The following SUPT3H variants were observed in gnomAD, a reference collection of about 807,000 sequenced individuals.
SUPT3H encodes the protein SPT3 homolog, SAGA and STAGA complex component.
A neutral mutation model predicts 44.3 loss-of-function variants in SUPT3H; 44 were observed. The observed-to-expected ratio is 0.99, with a 90% CI of 0.78 to 1.28. The LOEUF is 1.28. Ranked by LOEUF, SUPT3H falls within the 50% of genes most tolerant of loss-of-function variation. SUPT3H has a pLI of 0.00. For synonymous variants in SUPT3H, 124 were observed against 125.6 expected (o/e 0.99, Z 0.09); for missense variants, 380 against 387.1 (o/e 0.98, Z 0.15).
intron 6 of SUPT3H, among the ~76,000 whole-genome samples, chr6:44,989,968 T>C (rs1280013144): frequency 6.6e-6 from 1 of 152,104 alleles, no homozygotes; most frequent in Non-Finnish European, 1.5e-5. Context: ...ATTGTTGACT[T>C]TTTCCTTTGC....
intron 2 of SUPT3H, among the ~76,000 whole-genome samples, chr6:45,168,468 C>A (rs543746547): frequency 6.6e-6 from 1 of 151,990 alleles, no homozygotes; most frequent in Non-Finnish European, 1.5e-5. Flanking sequence ...AGCTGTATCC[C>A]GACCACCTTG....
At chr6:44,810,285 G>C (rs888674041) in intron 11 of SUPT3H, among the ~76,000 whole-genome samples, 5 of 152,194 alleles carry the variant, frequency 3.3e-5, no homozygotes, top group African/African-American at 9.7e-5. Flanking sequence ...GGGCAAAGGC[G>C]ATATGGACTG....
chr6:44,902,238 A>G (rs1562004746), intron 10 of SUPT3H, among the ~76,000 whole-genome samples: 1 of 152,192 alleles, frequency 6.6e-6, no homozygotes, highest in Non-Finnish European at 1.5e-5. Flanking sequence ...CAAATTGGAT[A>G]AAGAGTCATG....
At chr6:45,281,842 A>AACT (rs1309591030) in intron 2 of SUPT3H, among the ~76,000 whole-genome samples, 35 of 152,304 alleles carry the variant, frequency 2.3e-4, no homozygotes, top group Admixed American at 5.9e-4. Context: ...ACCCCCCAGT[A>AACT]GGGGCAGACT....
intron 10 of SUPT3H, among the ~76,000 whole-genome samples, chr6:44,912,834 T>C (rs1188530065): frequency 1.3e-5 from 2 of 152,214 alleles, no homozygotes; most frequent in East Asian, 1.9e-4. Context: ...GCTCTGAATG[T>C]GGCAGTTACT....
At chr6:44,845,724 T>C (rs553408003) in intron 10 of SUPT3H, among the ~76,000 whole-genome samples, 31 of 152,290 alleles carry the variant, frequency 2.0e-4, no homozygotes, top group Non-Finnish European at 4.0e-4. Context: ...CAAGAGGACG[T>C]TGAGGGGAGC....
chr6:45,352,882 G>A lies in SUPT3H; in HGVS notation c.101+12319C>T, dbSNP rs1039853634. 2.0e-5 allele frequency among the ~76,000 whole-genome samples: 3 copies of A among 151,880 alleles called. No homozygotes were observed. In the East Asian group the frequency reaches 5.8e-4, roughly 29 times the overall value. On this transcript the variant is annotated intron_variant, in intron 2 of 10. Transcript: ENST00000371459. ...ATATATCTATAAAAAAATTAAACTG[G>A]TCATTTATTTCCAGCTATGACTACC...
At chr6:45,303,879 G>C (rs553968641) in intron 2 of SUPT3H, among the ~76,000 whole-genome samples, 1 of 151,660 alleles carries the variant, frequency 6.6e-6, no homozygotes, top group African/African-American at 2.4e-5. Flanking sequence ...TGTAGTCCCA[G>C]CTACTCGGGA....
At chr6:44,909,219 G>A (rs1371071050) in intron 10 of SUPT3H, among the ~76,000 whole-genome samples, 4 of 150,544 alleles carry the variant, frequency 2.7e-5, no homozygotes, top group African/African-American at 9.8e-5. Flanking sequence ...TGCTAAACTT[G>A]CTATCCATAT....
At position 45,153,688 on chromosome 6, in the gene SUPT3H, T is replaced by A. The variant is rs559834466; in HGVS notation, c.102-47682A>T. Among the ~76,000 whole-genome samples the A allele has an allele frequency of 8.5e-5, 13 of 152,222 alleles. 1 individual carries two copies. In the South Asian group the frequency reaches 2.3e-3, roughly 27 times the overall value. ...GAGTTCGAGACCAGCCTGGCCAACA[T>A]GGTGAAACCCTGCCTCTACCAAAAA... On this transcript the variant is annotated intron_variant, in intron 2 of 10. Transcript: ENST00000371459.
chr6:45,177,181 G>C (rs1812106742), intron 2 of SUPT3H, among the ~76,000 whole-genome samples: 1 of 152,274 alleles, frequency 6.6e-6, no homozygotes, highest in South Asian at 2.1e-4. Context: ...AAAAAATTTA[G>C]AAGAATGTAT....
At chr6:45,285,965 T>C (rs1779169445) in intron 2 of SUPT3H, among the ~76,000 whole-genome samples, 1 of 140,986 alleles carries the variant, frequency 7.1e-6, no homozygotes, top group African/African-American at 2.8e-5. Flanking sequence ...ATCTGATCTT[T>C]GACAAACGTG....
intron 10 of SUPT3H, among the ~76,000 whole-genome samples, chr6:44,841,592 ATGAC>A (rs1387687754): frequency 2.6e-5 from 4 of 152,374 alleles, no homozygotes; most frequent in East Asian, 3.9e-4. Context: ...CTAATATGTA[ATGAC>A]TGACAGCCTT....
chr6:45,344,623 T>C (rs1790477694), intron 2 of SUPT3H, among the ~76,000 whole-genome samples: 1 of 152,128 alleles, frequency 6.6e-6, no homozygotes, highest in African/African-American at 2.4e-5. Context: ...CTACCACAAA[T>C]TTAAAACCCA....
At chr6:45,244,624 A>C (rs1771016003) in intron 2 of SUPT3H, among the ~76,000 whole-genome samples, 1 of 152,126 alleles carries the variant, frequency 6.6e-6, no homozygotes, top group Non-Finnish European at 1.5e-5. Flanking sequence ...TTTCTTGCCT[A>C]TCATCTCTAC....
intron 2 of SUPT3H, among the ~76,000 whole-genome samples, chr6:45,315,971 A>AGATAGATG (rs1452906471): frequency 3.4e-5 from 5 of 146,054 alleles, no homozygotes; most frequent in African/African-American, 1.3e-4. Context: ...ATAGATAGAT[A>AGATAGATG]GATGATGGAA....
chr6:44,813,914 G>T (rs1412778116), intron 11 of SUPT3H, among the ~76,000 whole-genome samples: 1 of 151,870 alleles, frequency 6.6e-6, no homozygotes, highest in East Asian at 1.9e-4. Context: ...AAGACATAAA[G>T]AAATATTTGA....
intron 10 of SUPT3H, among the ~76,000 whole-genome samples, chr6:44,930,873 AATTAGC>A (rs1770478132): frequency 6.6e-6 from 1 of 152,222 alleles, no homozygotes; most frequent in African/African-American, 2.4e-5. Flanking sequence ...ATTAGATCCA[AATTAGC>A]TTAGGCAATA....
chr6:44,848,358 G>A (rs137928329), intron 10 of SUPT3H, among the ~76,000 whole-genome samples: 182 of 152,210 alleles, frequency 1.2e-3, no homozygotes, highest in Non-Finnish European at 2.1e-3. Context: ...GTACATTAGA[G>A]CCACTTGGGG....
Sources: allele counts gnomAD v4.1 joint callset (sites outside exome capture counted in the v4.1 genomes callset), GRCh38; gene constraint gnomAD v4.1.1; transcripts MANE v1.5; gene names NCBI Gene and HGNC (gene_info 2026-07-23, HGNC 2026-07-21).